The following SFXN5 variants were observed in gnomAD, a reference collection of about 807,000 sequenced individuals.
The protein encoded by SFXN5 is sideroflexin-5.
SFXN5 carries 43 observed loss-of-function variants against 50.2 expected under a neutral mutation model. The observed-to-expected ratio is 0.86, with a 90% CI of 0.67 to 1.11. The LOEUF is 1.11. SFXN5 is among the 50% of genes least tolerant of loss of function. The pLI, the probability that SFXN5 is intolerant of heterozygous loss-of-function variation, is 0.00. For missense variants in SFXN5, 463 were observed against 454.1 expected (o/e 1.02, Z -0.18); for synonymous variants, 203 against 185.8 (o/e 1.09, Z -0.75).
At chr2:72,981,907 G>A (rs549041899) in intron 10 of SFXN5, among the ~76,000 whole-genome samples, 36 of 152,272 alleles carry the variant, frequency 2.4e-4, no homozygotes, top group Admixed American at 2.3e-3. Flanking sequence ...GTGATTTAGA[G>A]AGATTATCGA....
chr2:73,039,886 C>A (rs1367504371), intron 3 of SFXN5, among the ~76,000 whole-genome samples: 1 of 151,898 alleles, frequency 6.6e-6, no homozygotes, highest in African/African-American at 2.4e-5. Flanking sequence ...TCTCGGCTCA[C>A]TGCAACCTCC....
At chr2:73,048,357 AG>A (rs34351807) in intron 2 of SFXN5, among the ~76,000 whole-genome samples, 1 of 152,186 alleles carries the variant, frequency 6.6e-6, no homozygotes, top group African/African-American at 2.4e-5. Flanking sequence ...CTGGGATTAC[AG>A]GCATGTGCCA....
At chr2:72,979,820 A>G (rs932460231) in intron 10 of SFXN5, among the ~76,000 whole-genome samples, 3 of 152,234 alleles carry the variant, frequency 2.0e-5, no homozygotes, top group Non-Finnish European at 4.4e-5. Flanking sequence ...AGTTACATTT[A>G]TATAGACATA....
rs113809076 is a variant in SFXN5, at chr2:73,058,392, T to C, written c.171+136A>G. ...ACAGACAGCTACAGGTAGAGAGAAT[T>C]TGTTACCTTCCTCTCACCTCTCACC... On this transcript the variant is annotated intron_variant, in intron 2 of 13. Transcript: ENST00000272433. 3.4e-3 allele frequency: 2,483 copies of C among 728,414 alleles called. 42 individuals are homozygous for C. The African/African-American group carries it at 0.039, about 11-fold the overall frequency. 45.1% of individuals were successfully genotyped at this position (728,414 alleles called of 1,614,324 possible). A position where few individuals can be genotyped will look rare whatever the true frequency, so the allele number is the denominator to read the frequency against.
At chr2:72,946,636 G>GC (rs1341338113) in intron 13 of SFXN5, among the ~76,000 whole-genome samples, 1 of 152,030 alleles carries the variant, frequency 6.6e-6, no homozygotes, top group Non-Finnish European at 1.5e-5. Flanking sequence ...AACTGAACCT[G>GC]CCCTCTCCCC....
intron 9 of SFXN5, among the ~76,000 whole-genome samples, chr2:72,989,363 T>C (rs572417019): frequency 6.6e-6 from 1 of 152,182 alleles, no homozygotes; most frequent in Non-Finnish European, 1.5e-5. Flanking sequence ...CATTTCATCT[T>C]TCTCTGTCTC....
intron 3 of SFXN5, among the ~76,000 whole-genome samples, chr2:73,036,158 G>A (rs1476182990): frequency 6.6e-6 from 1 of 152,244 alleles, no homozygotes; most frequent in African/African-American, 2.4e-5. Context: ...CAGATGAGCA[G>A]GGCCAGCCTG....
chr2:73,030,312 G>A (rs1678140547), intron 3 of SFXN5, among the ~76,000 whole-genome samples: 1 of 152,044 alleles, frequency 6.6e-6, no homozygotes, highest in African/African-American at 2.4e-5. Flanking sequence ...ACAGAAAGCA[G>A]TCTTATTCTT....
At chr2:72,976,226 A>C (rs971078431) in intron 10 of SFXN5, among the ~76,000 whole-genome samples, 1 of 152,160 alleles carries the variant, frequency 6.6e-6, no homozygotes, top group Admixed American at 6.6e-5. Context: ...CCACTTTTTT[A>C]CACCAGAATT....
chr2:73,063,432 G>A (rs896711042), intron 1 of SFXN5, among the ~76,000 whole-genome samples: 4 of 152,218 alleles, frequency 2.6e-5, no homozygotes, highest in African/African-American at 7.2e-5. Context: ...AGAGTAAAAT[G>A]TAAATGAAGC....
intron 13 of SFXN5, among the ~76,000 whole-genome samples, chr2:72,959,550 C>T (rs1330769271): frequency 1.3e-5 from 2 of 152,148 alleles, no homozygotes; most frequent in Non-Finnish European, 2.9e-5. Context: ...TGCTCAGTCA[C>T]AAGAACACAG....
At chr2:73,005,708 C>T (rs540125953) in intron 6 of SFXN5, among the ~76,000 whole-genome samples, 7 of 152,318 alleles carry the variant, frequency 4.6e-5, no homozygotes, top group Middle Eastern at 3.4e-3. Context: ...GAACACAAGT[C>T]TTATCCCTCA....
intron 1 of SFXN5, among the ~76,000 whole-genome samples, chr2:73,061,279 G>C (rs1682782490): frequency 6.8e-6 from 1 of 147,490 alleles, no homozygotes; most frequent in African/African-American, 2.5e-5. Context: ...CTGCACTGCA[G>C]CCTAGGCGAC....
intron 3 of SFXN5, among the ~76,000 whole-genome samples, chr2:73,035,488 G>A (rs1178971022): frequency 1.4e-5 from 2 of 146,212 alleles, no homozygotes; most frequent in African/African-American, 2.5e-5. Context: ...CATTGGTATC[G>A]CAATCTTTTT....
intron 1 of SFXN5, among the ~76,000 whole-genome samples, chr2:73,069,795 G>C (rs1452057547): frequency 6.6e-6 from 1 of 150,606 alleles, no homozygotes; most frequent in Non-Finnish European, 1.5e-5. Flanking sequence ...GCCACATACA[G>C]ATAACAGACA....
chr2:72,946,173 C>T (rs1671910992), intron 13 of SFXN5, among the ~76,000 whole-genome samples: 1 of 151,948 alleles, frequency 6.6e-6, no homozygotes, highest in African/African-American at 2.4e-5. Flanking sequence ...CCCTCTCTCC[C>T]ACCTTTGCCC....
intron 1 of SFXN5, among the ~76,000 whole-genome samples, chr2:73,067,330 T>C (rs1683249391): frequency 1.3e-5 from 2 of 152,292 alleles, no homozygotes; most frequent in African/African-American, 4.8e-5. Flanking sequence ...AGAGACATGA[T>C]GACTAAATGT....
At chr2:72,997,647 TG>T (rs1389490755) in intron 9 of SFXN5, 2 of 152,100 alleles carry the variant, frequency 1.3e-5, no homozygotes, top group African/African-American at 4.8e-5. Context: ...TGGAGTGCAG[TG>T]GCGTGATCTC....
intron 3 of SFXN5, among the ~76,000 whole-genome samples, chr2:73,024,216 G>C (rs577436522): frequency 6.6e-6 from 1 of 152,036 alleles, no homozygotes; most frequent in Non-Finnish European, 1.5e-5. Flanking sequence ...TAGAGACGGG[G>C]TTTCACCATG....
Sources: gnomAD v4.1 joint callset for allele counts (sites outside exome capture counted in the v4.1 genomes callset) on GRCh38, gnomAD v4.1.1 for gene constraint, MANE v1.5 for transcripts, NCBI Gene and HGNC (gene_info 2026-07-23, HGNC 2026-07-21) for gene names.